The following LRRK2 variants were observed in gnomAD, a reference collection of about 807,000 sequenced individuals.
LRRK2 encodes the protein leucine rich repeat kinase 2.
LRRK2 carries 203 observed loss-of-function variants against 302.6 expected under a neutral mutation model. That is an observed-to-expected ratio of 0.67 (90% CI 0.60 to 0.75). The LOEUF is 0.75. Ranked by LOEUF, LRRK2 falls within the 30% of genes least tolerant of loss-of-function variation. The pLI is 0.00. For synonymous variants in LRRK2, 1,066 were observed against 1,031.9 expected, an observed-to-expected ratio of 1.03 and a Z score of -0.63; for missense variants, 2,830 against 2,951.0, an observed-to-expected ratio of 0.96 and a Z score of 0.95.
At chr12:40,305,388 G>C (rs969312034) in intron 27 of LRRK2, among the ~76,000 whole-genome samples, 6 of 152,080 alleles carry the variant, frequency 3.9e-5, no homozygotes, top group African/African-American at 1.4e-4. Context: ...ACACTAAATT[G>C]CATGCAGGTT....
At position 40,310,462 on chromosome 12, in the gene LRRK2, T is replaced by C. The variant is rs1565739626; in HGVS notation, c.4349T>C (p.Val1450Ala). Residue 1450 changes from valine (V) to alanine (A), a missense_variant, in exon 31 of 51, where the codon GTT becomes GCT. By Grantham distance (64) the Val-to-Ala change is moderately conservative. Transcript: ENST00000298910. ...ARASSSPVIL[V>A]GTHLDVSDEK... ...GCTTCTTCTTCCCCTGTGATTCTCG[T>C]TGGCACACATTTGGATGTTTCTGAT... 7 of 1,613,322 alleles carry C rather than the reference T, an allele frequency of 4.3e-6. No homozygotes were observed. Among genetic ancestry groups the C allele is most frequent in the Non-Finnish European group, 5.9e-6 (7 of 1,179,778 alleles).
At chr12:40,362,205 CCT>C (rs1946733989) in intron 47 of LRRK2, among the ~76,000 whole-genome samples, 5 of 151,906 alleles carry the variant, frequency 3.3e-5, no homozygotes, top group Admixed American at 2.0e-4. Flanking sequence ...GAAGGAATTA[CCT>C]AAAGCGTAGT....
rs778150277 is a variant in LRRK2, at chr12:40,298,487, T to C, written c.3341T>C (p.Leu1114Ser). The change falls in exon 24 of 51, where the codon TTA (leucine) becomes TCA (serine). Residue 1114 changes from leucine (L) to serine (S), a missense_variant. Physicochemically the swap from Leu to Ser is moderately radical, Grantham distance 145. Transcript: ENST00000298910. ...GTAGAGAAACTGGAGCAGCTCATTT[T>C]AGAAGGGTAAGAAAGAGCTCATTAA... ...DVVEKLEQLI[L>S]EGNKISGICS... 1 of 1,613,948 alleles carries C rather than the reference T, an allele frequency of 6.2e-7. No homozygotes were observed. The highest frequency in any genetic ancestry group is 1.1e-5 in the South Asian group (1 of 91,078).
intron 49 of LRRK2, chr12:40,365,408 C>T: frequency 5.3e-6 from 1 of 188,636 alleles, no homozygotes; most frequent in Admixed American, 5.6e-5. Flanking sequence ...AGTCTAGCCT[C>T]CCAGCTTGTT....
In LRRK2 at chr12:40,349,433, G is replaced by A. The variant is rs116004538; in HGVS notation, c.6381+924G>A. ...AAATCTTATGAAAAACCACATTGTC[G>A]TTTGGATTGGTCTTGGATTGAATAT... On this transcript the variant is annotated intron_variant, in intron 43 of 50. Coordinates refer to ENST00000298910, the MANE Select transcript of LRRK2 (RefSeq NM_198578.4). 5.2e-3 allele frequency among the ~76,000 whole-genome samples: 792 copies of A among 152,244 alleles called. 9 individuals carry two copies. Among genetic ancestry groups the A allele is most frequent in the African/African-American group, 0.018 (750 of 41,526 alleles).
intron 30 of LRRK2, 52 bp from the exon 31 acceptor site, chr12:40,310,379 G>T (rs1350762497): frequency 7.7e-6 from 12 of 1,549,964 alleles, no homozygotes; most frequent in Non-Finnish European, 1.1e-5. Flanking sequence ...AGGAATGTGA[G>T]CAGGCCCAGT....
chr12:40,295,735 A>T (rs1944362139), intron 23 of LRRK2, 91 bp downstream of exon 23: 1 of 1,268,284 alleles, frequency 7.9e-7, no homozygotes, highest in Non-Finnish European at 1.1e-6. Context: ...TTAAAAGAAC[A>T]TTCTACTTTT....
intron 12 of LRRK2, among the ~76,000 whole-genome samples, chr12:40,258,294 G>A (rs1942610866): frequency 6.6e-6 from 1 of 152,178 alleles, no homozygotes; most frequent in African/African-American, 2.4e-5. Context: ...CTTGTAAGAA[G>A]TAGGGTTACA....
At chr12:40,244,900 A>G (rs1394973272) in intron 7 of LRRK2, among the ~76,000 whole-genome samples, 1 of 151,934 alleles carries the variant, frequency 6.6e-6, no homozygotes, top group Admixed American at 6.6e-5. Flanking sequence ...TTTAAAAAAA[A>G]GGAGATGAAG....
At chr12:40,294,801 T>C (rs1225631896) in intron 21 of LRRK2, 44 bp from the exon 22 acceptor site, 8 of 1,114,528 alleles carry the variant, frequency 7.2e-6, no homozygotes, top group Non-Finnish European at 1.1e-5. Context: ...TGTCCTCTTC[T>C]CCAATAAATG....
chr12:40,229,103 A>C (rs1008630580), intron 2 of LRRK2, among the ~76,000 whole-genome samples: 1 of 152,234 alleles, frequency 6.6e-6, no homozygotes, highest in Non-Finnish European at 1.5e-5. Context: ...CATTGGTCTT[A>C]ACAAGGGGAT....
At chr12:40,243,953 G>A (rs1454966327) in intron 7 of LRRK2, among the ~76,000 whole-genome samples, 1 of 152,070 alleles carries the variant, frequency 6.6e-6, no homozygotes, top group African/African-American at 2.4e-5. Flanking sequence ...TTTTATAGAT[G>A]TAGTTCTATA....
At chr12:40,338,416 G>C (rs1945939466) in intron 40 of LRRK2, among the ~76,000 whole-genome samples, 1 of 152,182 alleles carries the variant, frequency 6.6e-6, no homozygotes, top group Admixed American at 6.5e-5. Flanking sequence ...GAAGAAAGAA[G>C]TCTCTTAGCA....
chr12:40,301,103 G>T, intron 25 of LRRK2: 1 of 456,640 alleles, frequency 2.2e-6, no homozygotes, highest in Non-Finnish European at 4.4e-6. Context: ...AAGTTTGAAT[G>T]GACCCCAGTT....
chr12:40,367,175 G>T, intron 50 of LRRK2, 98 bp downstream of exon 50: 1 of 981,526 alleles, frequency 1.0e-6, no homozygotes, highest in Non-Finnish European at 1.6e-6. Context: ...TATTACATAT[G>T]GTATAATCAG....
chr12:40,296,490 G>A (rs1944390204), intron 23 of LRRK2, among the ~76,000 whole-genome samples: 1 of 151,946 alleles, frequency 6.6e-6, no homozygotes, highest in Non-Finnish European at 1.5e-5. Flanking sequence ...AAATTAGCCA[G>A]GTGTGGTGGG....
rs1944919175 is a variant in LRRK2, at chr12:40,308,642, C to T, written c.4135C>T (p.Gln1379Ter). ...CATAGATGTGAAAGACTGGCCTATCCAAATAAGAGACAAAAGAAAGAGAGA... is the reference window on the plus strand; with the variant it reads ...CATAGATGTGAAAGACTGGCCTATCTAAATAAGAGACAAAAGAAAGAGAGA... ...VGIDVKDWPI[Q>*]IRDKRKRDLV... Residue 1379 changes from glutamine (Q) to a stop codon, truncating the protein, a stop_gained, in exon 29 of 51, where the codon CAA becomes TAA. Coordinates refer to ENST00000298910, the MANE Select transcript of LRRK2 (RefSeq NM_198578.4). LOFTEE classifies it high-confidence loss of function. The T allele has an allele frequency of 2.5e-6, 4 of 1,613,920 alleles. No homozygotes were observed. The highest frequency in any genetic ancestry group is 3.4e-6 in the Non-Finnish European group (4 of 1,179,928).
intron 18 of LRRK2, among the ~76,000 whole-genome samples, chr12:40,282,389 T>A (rs1425198668): frequency 6.6e-6 from 1 of 151,982 alleles, no homozygotes; most frequent in Non-Finnish European, 1.5e-5. Context: ...GTATGTATGT[T>A]TGCTCAGTGC....
At chr12:40,305,484 A>G (rs530757801) in intron 27 of LRRK2, among the ~76,000 whole-genome samples, 11 of 152,252 alleles carry the variant, frequency 7.2e-5, no homozygotes, top group South Asian at 2.1e-4. Flanking sequence ...TGTGGTAAGA[A>G]CTTCCTTACT....
Sources: allele counts gnomAD v4.1 joint callset (sites outside exome capture counted in the v4.1 genomes callset), GRCh38; gene constraint gnomAD v4.1.1; transcripts MANE v1.5; gene names NCBI Gene and HGNC (gene_info 2026-07-23, HGNC 2026-07-21).